The following KCNMA1 variants were observed in gnomAD, a reference collection of about 807,000 sequenced individuals.
The protein encoded by KCNMA1 is potassium calcium-activated channel subfamily M alpha 1.
A neutral mutation model predicts 140.0 loss-of-function variants in KCNMA1; 29 were observed. The observed-to-expected ratio is 0.21, with a 90% CI of 0.15 to 0.28. KCNMA1 has a LOEUF of 0.28. KCNMA1 is among the 10% of genes least tolerant of loss of function. The pLI is 1.00. For synonymous variants in KCNMA1, 612 were observed against 611.9 expected, an observed-to-expected ratio of 1.00 and a Z score of 0.00; for missense variants, 880 against 1,602.2, an observed-to-expected ratio of 0.55 and a Z score of 7.70.
rs545209760 is a variant in KCNMA1, at chr10:77,625,189, C to T, written c.378+12076G>A. The stretch of plus-strand genomic sequence containing the variant: ...CGGGCGGATCACGAGATCAGGAGAT[C>T]CAGACCATGGTGAAACCCCGTCTCT... On this transcript the variant is annotated intron_variant, in intron 1 of 27. Transcript: ENST00000286628. Among the ~76,000 whole-genome samples the T allele has an allele frequency of 5.3e-4, 80 of 152,030 alleles. 1 individual carries two copies. Among genetic ancestry groups the T allele is most frequent in the Non-Finnish European group, 9.3e-4 (63 of 67,982 alleles).
At chr10:77,131,890 G>A (rs11002030) in intron 5 of KCNMA1, among the ~76,000 whole-genome samples, 2,255 of 150,894 alleles carry the variant, frequency 0.015, 80 homozygotes, top group East Asian at 0.14. Context: ...GCTTGAACCC[G>A]GGAGGCAGGG....
downstream of KCNMA1, chr10:76,884,800 G>T: frequency 1.3e-6 from 1 of 778,416 alleles, no homozygotes. Context: ...GAAAGGGGAG[G>T]GGGGGAAAAG....
rs886047261 is a variant in KCNMA1 at position 76,885,379 on chromosome 10, C to T, written c.*1887G>A. 18 of 984,768 alleles carry T rather than the reference C, an allele frequency of 1.8e-5. No individual in the cohort carries two copies. The highest frequency in any genetic ancestry group is 2.2e-5 in the Non-Finnish European group (18 of 829,718). 61.0% of individuals were successfully genotyped at this position (984,768 alleles called of 1,614,324 possible). ...AATTTACATGTATACAATTATTCCC[C>T]ACCACAATACTGGTTTGAATACTAC... On this transcript the variant is annotated 3_prime_UTR_variant, in exon 28 of 28. Transcript: ENST00000286628.
intron 22 of KCNMA1, 48 bp from the exon 23 acceptor site, chr10:76,945,013 G>C: frequency 6.7e-7 from 1 of 1,497,084 alleles, no homozygotes; most frequent in Non-Finnish European, 9.3e-7. Flanking sequence ...GGGAGAAAGA[G>C]ACAGAGAGAG....
At chr10:76,952,280 GGAGGCCAAGGTTGGCGGATCAT>G (rs1205590663) in intron 21 of KCNMA1, 10 of 1,131,912 alleles carry the variant, frequency 8.8e-6, no homozygotes, top group Middle Eastern at 4.9e-4. Context: ...CAGCACTTTG[GGAGGCCAAGGTTGGCGGATCAT>G]GAGCTCAAGA....
chr10:77,190,495 T>C (rs774817769), intron 3 of KCNMA1, among the ~76,000 whole-genome samples: 2 of 152,122 alleles, frequency 1.3e-5, no homozygotes, highest in Non-Finnish European at 2.9e-5. Flanking sequence ...GCAGCCTTCT[T>C]GGAGAGGAAG....
intron 2 of KCNMA1, among the ~76,000 whole-genome samples, chr10:77,286,804 C>T (rs1168220946): frequency 6.7e-6 from 1 of 150,044 alleles, no homozygotes; most frequent in African/African-American, 2.5e-5. Flanking sequence ...CTTTATGCAT[C>T]CTCATTTATA....
chr10:77,625,838 G>A (rs969413565), intron 1 of KCNMA1, among the ~76,000 whole-genome samples: 8 of 152,126 alleles, frequency 5.3e-5, no homozygotes, highest in African/African-American at 1.9e-4. Context: ...TTAAGACCCT[G>A]CTTTTAAGTT....
At chr10:77,553,239 G>A (rs774696325) in intron 1 of KCNMA1, among the ~76,000 whole-genome samples, 13 of 151,610 alleles carry the variant, frequency 8.6e-5, no homozygotes, top group Non-Finnish European at 1.2e-4. Flanking sequence ...TTTTTCCCCC[G>A]TGGGACTCCA....
intron 2 of KCNMA1, among the ~76,000 whole-genome samples, chr10:77,384,457 G>A (rs927905218): frequency 1.3e-5 from 2 of 152,200 alleles, no homozygotes; most frequent in Non-Finnish European, 2.9e-5. Flanking sequence ...CATTGTTCCT[G>A]TACTTATGGA....
At chr10:77,384,429 C>T (rs982017649) in intron 2 of KCNMA1, among the ~76,000 whole-genome samples, 41 of 152,164 alleles carry the variant, frequency 2.7e-4, no homozygotes, top group African/African-American at 9.2e-4. Context: ...TGGTGGCTGA[C>T]GAAGCCCAGT....
At chr10:77,199,176 T>C (rs893134583) in intron 3 of KCNMA1, among the ~76,000 whole-genome samples, 2 of 152,252 alleles carry the variant, frequency 1.3e-5, no homozygotes, top group African/African-American at 4.8e-5. Flanking sequence ...AGAGGCTTAG[T>C]TGAATGACAT....
intron 5 of KCNMA1, among the ~76,000 whole-genome samples, chr10:77,176,515 A>G (rs1268562510): frequency 1.3e-5 from 2 of 152,130 alleles, no homozygotes; most frequent in East Asian, 1.9e-4. Flanking sequence ...TTGAGCTTCA[A>G]TAAGGCTCTC....
intron 3 of KCNMA1, among the ~76,000 whole-genome samples, chr10:77,248,893 C>G (rs564873534): frequency 6.1e-4 from 93 of 152,138 alleles, no homozygotes; most frequent in Non-Finnish European, 1.2e-4. Context: ...TGGAAAACTC[C>G]CTTGTGCTGA....
At position 77,323,231 on chromosome 10, in the gene KCNMA1, A is replaced by G. The variant is rs147737058; in HGVS notation, c.541-71975T>C. Among the ~76,000 whole-genome samples, 700 of 152,356 alleles carry G rather than the reference A, an allele frequency of 4.6e-3. 9 individuals carry two copies. The highest frequency in any genetic ancestry group is 0.016 in the African/African-American group (664 of 41,586). On this transcript the variant is annotated intron_variant, in intron 2 of 27. Transcript: ENST00000286628. ...AGGGCTCCCATCCACATCTGATGGA[A>G]GGCAAAGGAGATGAAACTGGTCTCC...
At chr10:77,550,513 G>C (rs570408228) in intron 1 of KCNMA1, among the ~76,000 whole-genome samples, 119 of 152,170 alleles carry the variant, frequency 7.8e-4, no homozygotes, top group Non-Finnish European at 1.2e-3. Flanking sequence ...CTACCCAGTT[G>C]TCAGTGTGCC....
chr10:77,349,287 C>T (rs930453327), intron 2 of KCNMA1, among the ~76,000 whole-genome samples: 22 of 152,142 alleles, frequency 1.4e-4, no homozygotes, highest in Admixed American at 1.4e-3. Flanking sequence ...AAAGTGCCAT[C>T]TATGAACCAG....
intron 24 of KCNMA1, chr10:76,910,534 C>T (rs897436117): frequency 6.0e-5 from 17 of 283,916 alleles, no homozygotes; most frequent in Admixed American, 9.5e-5. Context: ...GAGTAAAGAG[C>T]GCTGGAAGGG....
chr10:76,920,594 C>T (rs989974171), intron 23 of KCNMA1, among the ~76,000 whole-genome samples: 2 of 152,128 alleles, frequency 1.3e-5, no homozygotes, highest in African/African-American at 4.8e-5. Context: ...TCATAACAGT[C>T]CCTGTGTGTT....
Sources: allele counts gnomAD v4.1 joint callset (sites outside exome capture counted in the v4.1 genomes callset), GRCh38; gene constraint gnomAD v4.1.1; transcripts MANE v1.5; gene names NCBI Gene and HGNC (gene_info 2026-07-23, HGNC 2026-07-21).